Variants in DEAF1 observed in about 807,000 individuals in gnomAD.
DEAF1 encodes deformed epidermal autoregulatory factor 1 homolog.
DEAF1 carries 53 observed loss-of-function variants against 58.9 expected under a neutral mutation model. The observed-to-expected ratio is 0.90, with a 90% CI of 0.72 to 1.13. The LOEUF is 1.13. Ranked by LOEUF, DEAF1 falls within the 50% of genes most tolerant of loss-of-function variation. DEAF1 has a pLI of 0.00. For missense variants in DEAF1, 685 were observed against 791.4 expected (o/e 0.87, Z 1.61); for synonymous variants, 385 against 340.4 (o/e 1.13, Z -1.44).
rs114255904 is a variant in DEAF1 at position 687,204 on chromosome 11, C to T, written c.665-207G>A. ...CCTCTGACCCCCTACGTGATCTCTC[C>T]ACCCGCTGTCCACAGGCAGTGCAAG... On this transcript the variant is annotated intron_variant, in intron 4 of 11. Coordinates refer to ENST00000382409, the MANE Select transcript of DEAF1 (RefSeq NM_021008.4). Among the ~76,000 whole-genome samples the T allele has an allele frequency of 8.0e-3, 1,214 of 152,352 alleles. 15 individuals are homozygous for T. The highest frequency in any genetic ancestry group is 0.028 in the African/African-American group (1,153 of 41,576).
At position 688,507 on chromosome 11, in the gene DEAF1, A is replaced by G. The variant is rs890845698; in HGVS notation, c.388-47T>C. 1.2e-6 allele frequency: 2 copies of G among 1,611,122 alleles called. No homozygotes were observed. Among genetic ancestry groups the G allele is most frequent in the Non-Finnish European group, 8.5e-7 (1 of 1,179,456 alleles). On this transcript the variant is annotated intron_variant, in intron 2 of 11. Coordinates refer to ENST00000382409, the MANE Select transcript of DEAF1 (RefSeq NM_021008.4). The surrounding 1 kb of genome is among the most constrained non-coding windows in gnomAD (Gnocchi z 4.3). ...TCAGGTCACGTCCGAGAGTGACACC[A>G]GGCGTGTCACTGAGCCCAGCTGGGC...
At chr11:680,808 C>T (rs1227547930) in intron 7 of DEAF1, among the ~76,000 whole-genome samples, 155 bp downstream of exon 7, 6 of 152,186 alleles carry the variant, frequency 3.9e-5, no homozygotes, top group Non-Finnish European at 7.3e-5. Flanking sequence ...ACCCGGGGGA[C>T]GCACTGCAAA....
At chr11:682,092 C>T (rs900228760) in intron 6 of DEAF1, among the ~76,000 whole-genome samples, 4 of 152,194 alleles carry the variant, frequency 2.6e-5, no homozygotes, top group African/African-American at 9.6e-5. Flanking sequence ...TCTCCTGGGG[C>T]GGCCTCGGCT....
intron 1 of DEAF1, among the ~76,000 whole-genome samples, chr11:692,590 C>T (rs946772842): frequency 2.6e-5 from 4 of 152,046 alleles, no homozygotes; most frequent in South Asian, 2.1e-4. Flanking sequence ...CGGTGGCTCA[C>T]GCCTGTAATC....
chr11:681,909 C>T (rs1860391304), intron 6 of DEAF1, among the ~76,000 whole-genome samples: 1 of 152,208 alleles, frequency 6.6e-6, no homozygotes, highest in Non-Finnish European at 1.5e-5. Context: ...TGCTTTCTTC[C>T]TGTGTATGGT....
At chr11:672,026 A>G (rs1257183757) in intron 10 of DEAF1, among the ~76,000 whole-genome samples, 2 of 152,066 alleles carry the variant, frequency 1.3e-5, no homozygotes, top group African/African-American at 2.4e-5. Flanking sequence ...CATTACCTCA[A>G]TAGTCATTGA....
chr11:695,129 G>C lies in DEAF1; in HGVS notation c.-82C>G. ...CGCGGAGCCCGAAGCGGGGCCCGAA[G>C]AGGACGCCCGAGCTGGGCCGAGGCC... On this transcript the variant is annotated 5_prime_UTR_variant, in exon 1 of 12. Transcript: ENST00000382409. 1 of 1,277,292 alleles carries C rather than the reference G, an allele frequency of 7.8e-7. No individual in the cohort carries two copies. Among genetic ancestry groups the C allele is most frequent in the Non-Finnish European group, 1.0e-6 (1 of 986,864 alleles). 79.1% of individuals were successfully genotyped at this position (1,277,292 alleles called of 1,614,324 possible). A position where few individuals can be genotyped will look rare whatever the true frequency, so the allele number is the denominator to read the frequency against.
intron 1 of DEAF1, among the ~76,000 whole-genome samples, chr11:694,221 G>T (rs190695575): frequency 2.1e-5 from 3 of 145,490 alleles, no homozygotes; most frequent in African/African-American, 5.7e-5. Flanking sequence ...CAAAGAAAAG[G>T]GGGGCAGGGG....
chr11:677,674 G>T lies in DEAF1; in HGVS notation c.1255+1020C>A, dbSNP rs1370208440. 1.9e-5 allele frequency among the ~76,000 whole-genome samples: 2 copies of T among 105,372 alleles called. 1 individual carries two copies. The highest frequency in any genetic ancestry group is 4.4e-5 in the Non-Finnish European group (2 of 45,184). 69.1% of individuals were successfully genotyped at this position (105,372 alleles called of 152,430 possible). A position where few individuals can be genotyped will look rare whatever the true frequency, so the allele number is the denominator to read the frequency against. On this transcript the variant is annotated intron_variant, in intron 9 of 11. Coordinates refer to ENST00000382409, the MANE Select transcript of DEAF1 (RefSeq NM_021008.4). ...CACCCTTTAAAAAAGTATAATGATG[G>T]CTGGGCACGATGGCTCACGCCTGTA...
chr11:698,488 CAT>C (rs753992644), upstream of DEAF1, among the ~76,000 whole-genome samples: 6 of 152,334 alleles, frequency 3.9e-5, no homozygotes, highest in Admixed American at 6.5e-5. Flanking sequence ...TTCATCTAGT[CAT>C]ATATGTGTGG....
At chr11:645,299 A>G (rs1049031641) in intron 11 of DEAF1, among the ~76,000 whole-genome samples, 4 of 152,192 alleles carry the variant, frequency 2.6e-5, no homozygotes, top group African/African-American at 7.2e-5. Flanking sequence ...TATGTAAATT[A>G]CGATCAAGTT....
At chr11:703,288 C>T in intron 1 of DEAF1, 3 of 1,437,864 alleles carry the variant, frequency 2.1e-6, no homozygotes, top group Non-Finnish European at 1.8e-6. Flanking sequence ...ATGGTTCCAT[C>T]TGTTCTGGCA....
At chr11:672,707 G>T (rs1859884418) in intron 10 of DEAF1, among the ~76,000 whole-genome samples, 1 of 151,916 alleles carries the variant, frequency 6.6e-6, no homozygotes, top group South Asian at 2.1e-4. Context: ...AATCAGCCAG[G>T]TGTGGTAGCA....
chr11:696,200 A>G (rs1296093555), upstream of DEAF1, among the ~76,000 whole-genome samples: 1 of 152,120 alleles, frequency 6.6e-6, no homozygotes, highest in Non-Finnish European at 1.5e-5. Flanking sequence ...CTCTCGCCAA[A>G]GAAAATCGCG....
rs914130541 is a variant in DEAF1 at position 679,731 on chromosome 11, T to C, written c.1083A>G (p.Ile361Met). Residue 361 changes from isoleucine to methionine, a missense_variant, in exon 8 of 12, where the codon ATA becomes ATG. Ile to Met is a conservative substitution (Grantham distance 10). Transcript: ENST00000382409. ...CGTCGCCCTGGGCCGGACTCTCTGATATGACAGCAGTGGCCTCTACCGTGG... is the reference window on the plus strand; with the variant it reads ...CGTCGCCCTGGGCCGGACTCTCTGACATGACAGCAGTGGCCTCTACCGTGG... The part of the protein sequence containing the change: ...RASTVEATAV[I>M]SESPAQGDVF... 2.5e-6 allele frequency: 4 copies of C among 1,613,684 alleles called. No individual in the cohort carries two copies. Among genetic ancestry groups the C allele is most frequent in the African/African-American group, 1.3e-5 (1 of 74,956 alleles).
chr11:654,507 G>A (rs546249614), intron 10 of DEAF1: 15 of 455,220 alleles, frequency 3.3e-5, no homozygotes, highest in Non-Finnish European at 6.2e-5. Context: ...GTGCTGCTCA[G>A]AACGTTCTTG....
Position 688,537 on chromosome 11 carries a change from C to T in DEAF1, c.388-77G>A. ...TGTCACTGAGCCCAGCTGGGCCGTC[C>T]TCCAGCAGGGCTCTCTGGCTGTTCT... On this transcript the variant is annotated intron_variant, in intron 2 of 11. Transcript: ENST00000382409. The surrounding 1 kb of genome is among the most constrained non-coding windows in gnomAD (Gnocchi z 4.3). The T allele has an allele frequency of 6.3e-7, 1 of 1,584,014 alleles. No homozygotes were observed. The highest frequency in any genetic ancestry group is 8.6e-7 in the Non-Finnish European group (1 of 1,159,260).
upstream of DEAF1, among the ~76,000 whole-genome samples, chr11:697,179 A>G (rs1590032499): frequency 6.6e-6 from 1 of 151,758 alleles, no homozygotes; most frequent in African/African-American, 2.4e-5. Context: ...ACTGGAGCCC[A>G]GGAGGTTGAG....
At chr11:659,529 A>C (rs1859217552) in intron 10 of DEAF1, among the ~76,000 whole-genome samples, 1 of 152,146 alleles carries the variant, frequency 6.6e-6, no homozygotes, top group Admixed American at 6.6e-5. Flanking sequence ...AGAGGATGTA[A>C]TGCTGCCAGG....
Sources: allele counts gnomAD v4.1 joint callset (sites outside exome capture counted in the v4.1 genomes callset), GRCh38; gene constraint gnomAD v4.1.1; non-coding constraint Gnocchi (gnomAD v3.1); transcripts MANE v1.5; gene names NCBI Gene and HGNC (gene_info 2026-07-23, HGNC 2026-07-21).